The following RELL1 variants were observed in gnomAD, a reference collection of about 807,000 sequenced individuals.
The protein encoded by RELL1 is RELT like 1.
Under a neutral mutation model 23.0 loss-of-function variants are expected in RELL1, and 10 were observed. That is an observed-to-expected ratio of 0.43 (90% CI 0.27 to 0.74). The LOEUF (loss-of-function observed/expected upper bound fraction) is 0.74. Among genes scored for constraint, RELL1 ranks in the 30% least tolerant of loss-of-function variants. The pLI is 0.19. For missense variants in RELL1, 315 were observed against 364.4 expected, an observed-to-expected ratio of 0.86 and a Z score of 1.10; for synonymous variants, 146 against 146.8, an observed-to-expected ratio of 0.99 and a Z score of 0.04.
At chr4:37,669,372 C>T (rs1721714989) in intron 1 of RELL1, among the ~76,000 whole-genome samples, 2 of 145,208 alleles carry the variant, frequency 1.4e-5, no homozygotes, top group African/African-American at 5.2e-5. Flanking sequence ...GGGGGTCAGT[C>T]CCCGGCCCGG....
At chr4:37,660,117 T>C (rs1212431444) in intron 1 of RELL1, among the ~76,000 whole-genome samples, 1 of 152,004 alleles carries the variant, frequency 6.6e-6, no homozygotes, top group Non-Finnish European at 1.5e-5. Flanking sequence ...AACATTCAAA[T>C]CACAGTATCT....
chr4:37,604,545 C>T (rs1476565931), intron 6 of RELL1, among the ~76,000 whole-genome samples: 1 of 150,100 alleles, frequency 6.7e-6, no homozygotes, highest in Non-Finnish European at 1.5e-5. Flanking sequence ...AATCAGAATC[C>T]TATGAGGTAC....
chr4:37,661,253 G>A (rs952214940), intron 1 of RELL1, among the ~76,000 whole-genome samples: 3 of 147,860 alleles, frequency 2.0e-5, no homozygotes, highest in African/African-American at 7.8e-5. Flanking sequence ...AAAACAACCT[G>A]TTTTAAGTTA....
At chr4:37,681,303 C>T (rs947759038) in intron 1 of RELL1, among the ~76,000 whole-genome samples, 5 of 152,092 alleles carry the variant, frequency 3.3e-5, no homozygotes, top group Non-Finnish European at 5.9e-5. Context: ...AAGCCTAATG[C>T]GCACTCTGGA....
chr4:37,608,562 G>GGT (rs1719290576), downstream of RELL1, among the ~76,000 whole-genome samples: 1 of 152,038 alleles, frequency 6.6e-6, no homozygotes, highest in Non-Finnish European at 1.5e-5. Flanking sequence ...TGAAAGAAGT[G>GGT]AGGAAGCTGC....
chr4:37,654,731 AT>A (rs1282805405), intron 1 of RELL1, among the ~76,000 whole-genome samples: 1 of 152,218 alleles, frequency 6.6e-6, no homozygotes, highest in Non-Finnish European at 1.5e-5. Context: ...TCATGGTTTC[AT>A]TTGATGAAAT....
At chr4:37,671,419 G>A (rs1286793124) in intron 1 of RELL1, among the ~76,000 whole-genome samples, 1 of 152,116 alleles carries the variant, frequency 6.6e-6, no homozygotes, top group African/African-American at 2.4e-5. Flanking sequence ...AAAAGGGTGT[G>A]GTAAAGAAGC....
intron 6 of RELL1, chr4:37,622,778 A>ATAG (rs527765920): frequency 4.2e-5 from 19 of 451,236 alleles, no homozygotes; most frequent in African/African-American, 3.8e-4. Flanking sequence ...TGCCTGGCAC[A>ATAG]TAGTAGGGTC....
chr4:37,621,483 GA>G (rs747078836), intron 6 of RELL1, among the ~76,000 whole-genome samples: 2 of 151,390 alleles, frequency 1.3e-5, no homozygotes, highest in Non-Finnish European at 2.9e-5. Flanking sequence ...ATAAAATAAG[GA>G]AAAAAATAAA....
intron 6 of RELL1, among the ~76,000 whole-genome samples, chr4:37,628,133 G>A (rs1720012396): frequency 6.6e-6 from 1 of 151,936 alleles, no homozygotes; most frequent in Admixed American, 6.6e-5. Flanking sequence ...CTTTTTCAGG[G>A]CCTATACTTC....
chr4:37,648,780 A>G (rs1028224486), intron 2 of RELL1, among the ~76,000 whole-genome samples: 9 of 152,204 alleles, frequency 5.9e-5, no homozygotes, highest in African/African-American at 2.2e-4. Context: ...AAGTAACACC[A>G]CAAACATGGG....
chr4:37,660,086 T>C (rs73230541), intron 1 of RELL1, among the ~76,000 whole-genome samples: 1 of 151,772 alleles, frequency 6.6e-6, no homozygotes, highest in Admixed American at 6.6e-5. Context: ...TTTTATTTAT[T>C]TATTTATTTA....
At position 37,668,902 on chromosome 4, in the gene RELL1, G is replaced by C. The variant is rs1327902032; in HGVS notation, c.88+17298C>G. ...GGGATGTGAGGAGCGTCTCTGCCCG[G>C]CCGCCCCGTCTGAGAAGTGAGGAGA... is the stretch of plus-strand genomic sequence containing the variant. On this transcript the variant is annotated intron_variant, in intron 1 of 6. Transcript: ENST00000454158. Among the ~76,000 whole-genome samples, 490 of 151,702 alleles carry C rather than the reference G, an allele frequency of 3.2e-3. 10 individuals carry two copies. Among genetic ancestry groups the C allele is most frequent in the Admixed American group, 0.03 (464 of 15,282 alleles).
intron 1 of RELL1, among the ~76,000 whole-genome samples, chr4:37,650,830 G>T: frequency 8.9e-6 from 1 of 112,404 alleles, no homozygotes; most frequent in African/African-American, 3.3e-5. Flanking sequence ...TGGGGGGAGG[G>T]GGCGAATCAC....
At chr4:37,620,183 C>T (rs1415766969) in intron 6 of RELL1, among the ~76,000 whole-genome samples, 1 of 152,136 alleles carries the variant, frequency 6.6e-6, no homozygotes, top group African/African-American at 2.4e-5. Context: ...CTAGCATAGA[C>T]AGAAATGTAT....
intron 6 of RELL1, among the ~76,000 whole-genome samples, chr4:37,626,887 AG>A (rs1719971628): frequency 9.6e-6 from 1 of 103,882 alleles, no homozygotes; most frequent in Admixed American, 1.3e-4. Flanking sequence ...GGGGCGGGGG[AG>A]GGGTTGGTCA....
chr4:37,597,069 A>G, intron 6 of RELL1, among the ~76,000 whole-genome samples: 1 of 151,676 alleles, frequency 6.6e-6, no homozygotes. Context: ...TTTTGAAAGC[A>G]CATAGAGCAT....
At position 37,602,612 on chromosome 4, in the gene RELL1, C is replaced by G. The variant is rs563342693; in HGVS notation, c.*4-11395G>C. ...GCATGTAGACCCTTCACCAAGTTAC[C>G]AAACATGCCGCTTACAGCAGTCGCG... On this transcript the variant is annotated intron_variant, in intron 6 of 6. Coordinates refer to the RELL1 transcript ENST00000314117. Among the ~76,000 whole-genome samples the G allele has an allele frequency of 2.0e-5, 3 of 152,218 alleles. No individual in the cohort carries two copies. The South Asian group carries it at 6.2e-4, about 32-fold the overall frequency.
chr4:37,618,339 C>T (rs1719643328), intron 6 of RELL1, among the ~76,000 whole-genome samples: 1 of 151,992 alleles, frequency 6.6e-6, no homozygotes, highest in Non-Finnish European at 1.5e-5. Flanking sequence ...ACCACTTTAT[C>T]CTCCCATGTA....
Sources: allele counts gnomAD v4.1 joint callset (sites outside exome capture counted in the v4.1 genomes callset), GRCh38; gene constraint gnomAD v4.1.1; transcripts MANE v1.5; gene names NCBI Gene and HGNC (gene_info 2026-07-23, HGNC 2026-07-21).